Variants in DNAH7 observed in about 807,000 individuals in gnomAD.
DNAH7 encodes dynein axonemal heavy chain 7, also known as axonemal beta dynein heavy chain 7.
In DNAH7, 397 loss-of-function variants were observed where a neutral mutation model predicts 444.6. That is an observed-to-expected ratio of 0.89 (90% CI 0.82 to 0.97). The LOEUF is 0.97. DNAH7 is among the 50% of genes least tolerant of loss of function. The pLI is 0.00. For missense variants in DNAH7, 4,902 were observed against 4,800.8 expected (o/e 1.02, Z -0.62); for synonymous variants, 1,636 against 1,624.4 (o/e 1.01, Z -0.17).
chr2:195,762,130 C>G (rs1694377469), intron 61 of DNAH7, among the ~76,000 whole-genome samples: 1 of 151,994 alleles, frequency 6.6e-6, no homozygotes, highest in Non-Finnish European at 1.5e-5. Flanking sequence ...TTAGGTTTCT[C>G]TTTGCTTGTT....
In DNAH7 at chr2:195,737,832, A is replaced by C. The variant is rs1692725082; in HGVS notation, c.*89T>G. 1.5e-5 allele frequency: 18 copies of C among 1,224,176 alleles called. No homozygotes were observed. The South Asian group carries it at 2.6e-4, about 18-fold the overall frequency. 75.8% of individuals were successfully genotyped at this position (1,224,176 alleles called of 1,614,324 possible). ...TAACTTTAGTCAAATGTATTTAAAC[A>C]AACAAAAAAAAAGGTTTAAGTAGTA... On this transcript the variant is annotated 3_prime_UTR_variant, in exon 65 of 65. Transcript: ENST00000312428.
chr2:195,825,681 T>C (rs900332128), intron 48 of DNAH7, among the ~76,000 whole-genome samples: 5 of 152,248 alleles, frequency 3.3e-5, no homozygotes, highest in African/African-American at 9.6e-5. Flanking sequence ...ATATCTTTGC[T>C]GAGTAAAGTC....
intron 45 of DNAH7, among the ~76,000 whole-genome samples, chr2:195,855,196 TAAG>T (rs2125052615): frequency 6.6e-6 from 1 of 152,356 alleles, no homozygotes; most frequent in South Asian, 2.1e-4. Flanking sequence ...TTGTACATAA[TAAG>T]CATTCAATAA....
intron 27 of DNAH7, chr2:195,901,283 T>C (rs1686689352): frequency 1.3e-5 from 2 of 152,142 alleles, no homozygotes; most frequent in African/African-American, 4.8e-5. Flanking sequence ...TGTATTATGT[T>C]TGTCAATCAT....
intron 21 of DNAH7, among the ~76,000 whole-genome samples, chr2:195,932,244 G>A (rs1669336908): frequency 6.6e-6 from 1 of 152,146 alleles, no homozygotes. Context: ...GTATAAGAAT[G>A]CTTGTGATTT....
chr2:195,762,619 CA>C (rs1276136771), intron 61 of DNAH7, among the ~76,000 whole-genome samples: 13 of 152,056 alleles, frequency 8.5e-5, no homozygotes, highest in African/African-American at 3.1e-4. Flanking sequence ...ACAAAAACTA[CA>C]AAAAGAGACC....
chr2:195,830,155 T>C (rs919857278), intron 48 of DNAH7, among the ~76,000 whole-genome samples: 1 of 152,084 alleles, frequency 6.6e-6, no homozygotes, highest in Admixed American at 6.5e-5. Flanking sequence ...AGATTAACAA[T>C]TTGCTGGTTT....
Position 195,911,412 on chromosome 2 carries a change from G to A in DNAH7, c.3936-1217C>T, listed in dbSNP as rs1451852355. 5.3e-5 allele frequency among the ~76,000 whole-genome samples: 8 copies of A among 152,092 alleles called. No homozygotes were observed. The East Asian group carries it at 9.6e-4, about 18-fold the overall frequency. On this transcript the variant is annotated intron_variant, in intron 24 of 64. Coordinates refer to ENST00000312428, the MANE Select transcript of DNAH7 (RefSeq NM_018897.3). ...ACTCAAAGAGATACAGAGACTGAATGTAAGAAAAGTTAAGAGACATAGAAG... is the reference window on the plus strand; with the variant it reads ...ACTCAAAGAGATACAGAGACTGAATATAAGAAAAGTTAAGAGACATAGAAG...
intron 49 of DNAH7, among the ~76,000 whole-genome samples, chr2:195,820,162 C>G (rs930260041): frequency 6.6e-6 from 1 of 152,028 alleles, no homozygotes; most frequent in Non-Finnish European, 1.5e-5. Context: ...GTGCAGTCGG[C>G]AATATTAGAA....
At chr2:195,891,592 A>G in intron 31 of DNAH7, 63 bp downstream of exon 31, 1 of 1,397,948 alleles carries the variant, frequency 7.2e-7, no homozygotes, top group Admixed American at 2.7e-5. Flanking sequence ...AAAAAATCAG[A>G]AATTGGTCAG....
chr2:195,797,522 C>T (rs1696213074), intron 55 of DNAH7, among the ~76,000 whole-genome samples: 1 of 152,170 alleles, frequency 6.6e-6, no homozygotes, highest in Non-Finnish European at 1.5e-5. Flanking sequence ...ATCATATGTA[C>T]AGTGTGAGGA....
intron 63 of DNAH7, among the ~76,000 whole-genome samples, chr2:195,748,261 A>G (rs1553513247): frequency 6.6e-6 from 1 of 152,236 alleles, no homozygotes; most frequent in South Asian, 2.1e-4. Context: ...TAAAATACCT[A>G]GGAATCCAGC....
At position 195,987,047 on chromosome 2, in the gene DNAH7, A is replaced by G; in HGVS notation, c.1754+19T>C. On this transcript the variant is annotated intron_variant, in intron 14 of 64. Transcript: ENST00000312428. ...ACATCCCCTCCCAAAAAATAAAAAA[A>G]CCAGTATCACATAAATACCTTGTAT... The G allele has an allele frequency of 2.6e-6, 4 of 1,559,682 alleles. No individual in the cohort carries two copies. The highest frequency in any genetic ancestry group is 4.4e-5 in the Admixed American group (2 of 45,812).
At chr2:196,011,773 CA>C (rs1201358751) in intron 10 of DNAH7, among the ~76,000 whole-genome samples, 4 of 152,080 alleles carry the variant, frequency 2.6e-5, no homozygotes, top group African/African-American at 9.7e-5. Context: ...AAAAATAATT[CA>C]ATAAAGGTTT....
intron 24 of DNAH7, among the ~76,000 whole-genome samples, chr2:195,915,651 A>T (rs2125324664): frequency 6.6e-6 from 1 of 152,290 alleles, no homozygotes; most frequent in Non-Finnish European, 1.5e-5. Flanking sequence ...TCCATATTGT[A>T]CTTAGGAGGT....
intron 2 of DNAH7, among the ~76,000 whole-genome samples, chr2:196,054,058 T>A (rs1697651848): frequency 6.6e-6 from 1 of 152,230 alleles, no homozygotes. Flanking sequence ...GACTTCCATT[T>A]GTTTTGTCAG....
chr2:195,779,759 C>T (rs916030519), intron 58 of DNAH7, among the ~76,000 whole-genome samples: 3 of 152,052 alleles, frequency 2.0e-5, no homozygotes, highest in African/African-American at 4.8e-5. Flanking sequence ...ATATATGCCA[C>T]CATGCCCGGC....
chr2:195,770,906 G>A (rs535227817), intron 61 of DNAH7, among the ~76,000 whole-genome samples: 3 of 148,518 alleles, frequency 2.0e-5, no homozygotes, highest in Non-Finnish European at 4.5e-5. Context: ...GTCTTGCTGT[G>A]TTGCCAAGGA....
chr2:195,804,345 T>C (rs114115339), intron 54 of DNAH7, among the ~76,000 whole-genome samples: 2,565 of 152,248 alleles, frequency 0.017, 69 homozygotes, highest in African/African-American at 0.058. Flanking sequence ...CCAATAGAAA[T>C]TGGAGCACCT....
Sources: gnomAD v4.1 joint callset for allele counts (sites outside exome capture counted in the v4.1 genomes callset) on GRCh38, gnomAD v4.1.1 for gene constraint, MANE v1.5 for transcripts, NCBI Gene and HGNC (gene_info 2026-07-23, HGNC 2026-07-21) for gene names.